CAP2: variants seen among roughly 807,000 people sequenced by gnomAD.
CAP2 encodes cyclase associated actin cytoskeleton regulatory protein 2, also known as adenylyl cyclase-associated protein 2.
In CAP2, 24 loss-of-function variants were observed where a neutral mutation model predicts 57.7. The observed-to-expected ratio is 0.42, with a 90% CI of 0.30 to 0.58. CAP2 has a LOEUF of 0.58. Among genes scored for constraint, CAP2 ranks in the 20% least tolerant of loss-of-function variants. CAP2 has a pLI of 0.22. For synonymous variants in CAP2, 194 were observed against 207.2 expected, an observed-to-expected ratio of 0.94 and a Z score of 0.55; for missense variants, 501 against 590.3, an observed-to-expected ratio of 0.85 and a Z score of 1.57.
intron 2 of CAP2, among the ~76,000 whole-genome samples, chr6:17,422,593 C>T (rs977711699): frequency 2.0e-5 from 3 of 152,124 alleles, no homozygotes; most frequent in Admixed American, 6.5e-5. Context: ...TCGTGATCCG[C>T]CTGCCTCGTC....
At chr6:17,424,890 G>A (rs1759547113) in intron 2 of CAP2, among the ~76,000 whole-genome samples, 1 of 152,156 alleles carries the variant, frequency 6.6e-6, no homozygotes, top group Non-Finnish European at 1.5e-5. Context: ...TCCCCGCTCG[G>A]GCCTCTTCCA....
At position 17,503,180 on chromosome 6, in the gene CAP2, G is replaced by A. The variant is rs180738194; in HGVS notation, c.301-3989G>A. 3.2e-3 allele frequency among the ~76,000 whole-genome samples: 491 copies of A among 152,306 alleles called. 1 individual carries two copies. The highest frequency in any genetic ancestry group is 5.0e-3 in the Non-Finnish European group (337 of 68,022). On this transcript the variant is annotated intron_variant, in intron 4 of 12. Transcript: ENST00000229922. ...AGGGCTGCCCTAACAAAGTACCACA[G>A]ACAGGTAGATTAGAAACAACAGAAA...
intron 6 of CAP2, among the ~76,000 whole-genome samples, chr6:17,509,142 T>C (rs545632087): frequency 6.6e-6 from 1 of 152,124 alleles, no homozygotes; most frequent in South Asian, 2.1e-4. Flanking sequence ...AAATTTTATA[T>C]GGAATATAGA....
At position 17,463,062 on chromosome 6, in the gene CAP2, C is replaced by A; in HGVS notation, c.289C>A (p.Gln97Lys). The change falls in exon 4 of 13, where the codon CAA (glutamine) becomes AAA (lysine). Residue 97 changes from glutamine to lysine, a missense_variant. By Grantham distance (53) the Gln-to-Lys change is moderately conservative. Coordinates refer to ENST00000229922, the MANE Select transcript of CAP2 (RefSeq NM_006366.3). ...AFLLMASQYQ[Q>K]PHENDVAALL... ...CCTTCTGATGGCCTCTCAGTACCAACAACCCCACGAGGTAAGAGAGTGTCC... is the reference window on the plus strand; with the variant it reads ...CCTTCTGATGGCCTCTCAGTACCAAAAACCCCACGAGGTAAGAGAGTGTCC... 2 of 1,612,796 alleles carry A rather than the reference C, an allele frequency of 1.2e-6. No individual in the cohort carries two copies. The highest frequency in any genetic ancestry group is 1.7e-6 in the Non-Finnish European group (2 of 1,178,800).
At chr6:17,441,612 T>C (rs1236475016) in intron 3 of CAP2, among the ~76,000 whole-genome samples, 1 of 151,726 alleles carries the variant, frequency 6.6e-6, no homozygotes, top group African/African-American at 2.4e-5. Flanking sequence ...GCCTCCTGAA[T>C]AGCTGGGACT....
At chr6:17,404,770 CAA>C (rs554588058) in intron 1 of CAP2, among the ~76,000 whole-genome samples, 14 of 57,194 alleles carry the variant, frequency 2.4e-4, no homozygotes, top group Non-Finnish European at 2.3e-4. Flanking sequence ...GACTCCATCT[CAA>C]AAAAAAAAAA....
chr6:17,446,584 T>C (rs561595430), intron 3 of CAP2, among the ~76,000 whole-genome samples: 8 of 152,326 alleles, frequency 5.3e-5, no homozygotes, highest in Admixed American at 3.3e-4. Context: ...AAATAAATTC[T>C]GGAGGGATAT....
At chr6:17,447,875 G>A (rs773951536) in intron 3 of CAP2, among the ~76,000 whole-genome samples, 16 of 152,246 alleles carry the variant, frequency 1.1e-4, no homozygotes, top group Admixed American at 1.3e-4. Context: ...GGCTATGTGT[G>A]TAGTAAGGGG....
intron 3 of CAP2, among the ~76,000 whole-genome samples, chr6:17,433,817 C>T (rs924055534): frequency 2.0e-5 from 3 of 152,250 alleles, no homozygotes; most frequent in African/African-American, 7.2e-5. Flanking sequence ...CCTGCTAAAT[C>T]TCAGGCCTTC....
At chr6:17,431,931 G>T (rs184947840) in intron 3 of CAP2, among the ~76,000 whole-genome samples, 1 of 151,966 alleles carries the variant, frequency 6.6e-6, no homozygotes, top group Non-Finnish European at 1.5e-5. Flanking sequence ...TGCCAGGGAA[G>T]ATGCCCTGAG....
intron 7 of CAP2, among the ~76,000 whole-genome samples, chr6:17,529,513 C>T (rs1373586044): frequency 1.3e-5 from 2 of 151,814 alleles, no homozygotes; most frequent in East Asian, 1.9e-4. Flanking sequence ...TGGTGGCAGG[C>T]GCCTGTAGTC....
rs529450207 is a variant in CAP2, at chr6:17,419,716, C to T, written c.-1-1839C>T. ...TTTTTTTTTCCTAGACGGAGTCTTG[C>T]TCTGTCACCCAGGCTGGAGTGCAGT... On this transcript the variant is annotated intron_variant, in intron 1 of 12. Coordinates refer to ENST00000229922, the MANE Select transcript of CAP2 (RefSeq NM_006366.3). Among the ~76,000 whole-genome samples, 3 of 151,970 alleles carry T rather than the reference C, an allele frequency of 2.0e-5. 1 individual carries two copies. Among genetic ancestry groups the T allele is most frequent in the South Asian group, 4.2e-4 (2 of 4,814 alleles).
At chr6:17,524,835 G>A (rs577807396) in intron 7 of CAP2, among the ~76,000 whole-genome samples, 1 of 151,724 alleles carries the variant, frequency 6.6e-6, no homozygotes, top group East Asian at 1.9e-4. Context: ...AGTCAAGCCT[G>A]CCTCATACCT....
chr6:17,510,638 T>C (rs1762121910), intron 6 of CAP2, among the ~76,000 whole-genome samples: 1 of 152,234 alleles, frequency 6.6e-6, no homozygotes, highest in African/African-American at 2.4e-5. Flanking sequence ...GAGAAAGGCA[T>C]CAGAAATGCA....
chr6:17,454,298 G>A (rs562050229), intron 3 of CAP2, among the ~76,000 whole-genome samples: 4 of 151,978 alleles, frequency 2.6e-5, no homozygotes, highest in South Asian at 4.2e-4. Flanking sequence ...TGGCCGTGAC[G>A]CTAGAAGATG....
At chr6:17,418,669 A>ATT (rs5874605) in intron 1 of CAP2, among the ~76,000 whole-genome samples, 20 of 150,416 alleles carry the variant, frequency 1.3e-4, no homozygotes, top group African/African-American at 4.9e-4. Context: ...CAAAGCAAAC[A>ATT]TTTTTTTTTT....
At chr6:17,491,129 C>T (rs12528647) in intron 4 of CAP2, among the ~76,000 whole-genome samples, 7,190 of 152,146 alleles carry the variant, frequency 0.047, 341 homozygotes, top group Admixed American at 0.12. Context: ...TTCTAGCACC[C>T]TTGCATTGAA....
intron 6 of CAP2, among the ~76,000 whole-genome samples, chr6:17,510,721 C>T (rs1273694662): frequency 1.3e-5 from 2 of 152,226 alleles, no homozygotes; most frequent in Admixed American, 6.5e-5. Context: ...ACCTGGATAT[C>T]ATATGACAGC....
chr6:17,461,887 G>C (rs1044187588), intron 3 of CAP2, among the ~76,000 whole-genome samples: 5 of 149,958 alleles, frequency 3.3e-5, no homozygotes, highest in South Asian at 2.1e-4. Flanking sequence ...CAGCTACTCG[G>C]GGGGCTGAGG....
Sources: allele counts gnomAD v4.1 joint callset (sites outside exome capture counted in the v4.1 genomes callset), GRCh38; gene constraint gnomAD v4.1.1; transcripts MANE v1.5; gene names NCBI Gene and HGNC (gene_info 2026-07-23, HGNC 2026-07-21).